PTPRD: variants seen among roughly 807,000 people sequenced by gnomAD.
The protein encoded by PTPRD is receptor-type tyrosine-protein phosphatase delta.
A neutral mutation model predicts 214.5 loss-of-function variants in PTPRD; 34 were observed. The observed-to-expected ratio is 0.16, with a 90% CI of 0.12 to 0.21. PTPRD has a LOEUF of 0.21. PTPRD is among the 10% of genes least tolerant of loss of function. The pLI is 1.00. For synonymous variants in PTPRD, 1,128 were observed against 845.7 expected (o/e 1.33, Z -5.79); for missense variants, 2,545 against 2,398.7 (o/e 1.06, Z -1.27).
chr9:9,707,353 G>A lies in PTPRD; in HGVS notation c.-287+27180C>T, dbSNP rs74483298. The stretch of plus-strand genomic sequence containing the variant: ...AATAAATCCCTTCAAGTCACTATTC[G>A]ATTTACACAAGATACAAATTATTAT... On this transcript the variant is annotated intron_variant, in intron 7 of 45. Coordinates refer to ENST00000381196, the MANE Select transcript of PTPRD (RefSeq NM_002839.4). Among the ~76,000 whole-genome samples, 813 of 152,176 alleles carry A rather than the reference G, an allele frequency of 5.3e-3. 5 individuals are homozygous for A. Among genetic ancestry groups the A allele is most frequent in the African/African-American group, 0.018 (760 of 41,528 alleles).
At position 8,439,935 on chromosome 9, in the gene PTPRD, ATTTTTTTTTTTTTTTTT is replaced by A. The variant is rs1166530719; in HGVS notation, c.3989-3263_3989-3247del. 1.1e-3 allele frequency among the ~76,000 whole-genome samples: 82 copies of A among 73,328 alleles called. 1 individual carries two copies. The highest frequency in any genetic ancestry group is 1.8e-3 in the Non-Finnish European group (73 of 40,514). 48.1% of individuals were successfully genotyped at this position (73,328 alleles called of 152,430 possible). The stretch of plus-strand genomic sequence containing the variant: ...CATTTAAATTACTTGATGTGCTTTA[ATTTTTTTTTTTTTTTTT>A]TTTTTTTTTTTTTTGCAGGCTGTAC... On this transcript the variant is annotated intron_variant, in intron 34 of 45. Coordinates refer to ENST00000381196, the MANE Select transcript of PTPRD (RefSeq NM_002839.4).
intron 8 of PTPRD, among the ~76,000 whole-genome samples, chr9:9,487,160 T>G (rs1671200726): frequency 6.6e-6 from 1 of 152,098 alleles, no homozygotes; most frequent in Non-Finnish European, 1.5e-5. Flanking sequence ...GCTGCACCCA[T>G]TAACTTGTCA....
intron 3 of PTPRD, among the ~76,000 whole-genome samples, chr9:10,294,135 C>A (rs1186818062): frequency 6.6e-6 from 1 of 151,898 alleles, no homozygotes; most frequent in Non-Finnish European, 1.5e-5. Flanking sequence ...GGCAATATCT[C>A]ATTTTTATAT....
intron 11 of PTPRD, among the ~76,000 whole-genome samples, chr9:8,747,508 G>A (rs895927921): frequency 2.6e-5 from 4 of 152,008 alleles, no homozygotes; most frequent in Non-Finnish European, 5.9e-5. Flanking sequence ...GAAATAAAAA[G>A]GAACCGCCAA....
chr9:8,603,269 TATTAG>T (rs2094979945), intron 14 of PTPRD, among the ~76,000 whole-genome samples: 1 of 152,318 alleles, frequency 6.6e-6, no homozygotes, highest in East Asian at 1.9e-4. Context: ...ACAAGGCAAT[TATTAG>T]ATTAAACTGG....
intron 4 of PTPRD, among the ~76,000 whole-genome samples, chr9:9,970,498 T>A (rs1255644671): frequency 1.3e-5 from 2 of 151,292 alleles, no homozygotes; most frequent in African/African-American, 4.9e-5. Flanking sequence ...AATTACCTCA[T>A]CTGGTTGGGT....
intron 11 of PTPRD, among the ~76,000 whole-genome samples, chr9:8,965,902 C>T (rs2099191101): frequency 6.6e-6 from 1 of 152,054 alleles, no homozygotes; most frequent in African/African-American, 2.4e-5. Flanking sequence ...AGGACTCTGA[C>T]AAAAGACTAT....
chr9:9,117,410 A>G (rs1341469321), intron 10 of PTPRD, among the ~76,000 whole-genome samples: 1 of 152,150 alleles, frequency 6.6e-6, no homozygotes, highest in East Asian at 1.9e-4. Flanking sequence ...TAAGCATAGG[A>G]AAGTGATTCA....
At chr9:9,257,851 G>A (rs564227634) in intron 9 of PTPRD, among the ~76,000 whole-genome samples, 1 of 152,000 alleles carries the variant, frequency 6.6e-6, no homozygotes, top group African/African-American at 2.4e-5. Context: ...AGGGACATTA[G>A]GGACAAGTGG....
intron 6 of PTPRD, among the ~76,000 whole-genome samples, chr9:9,735,985 G>A (rs531980192): frequency 6.6e-6 from 1 of 152,168 alleles, no homozygotes; most frequent in East Asian, 1.9e-4. Context: ...CCAGTACATA[G>A]AAGCCTGTGG....
intron 39 of PTPRD, among the ~76,000 whole-genome samples, chr9:8,350,109 C>T (rs1403395520): frequency 6.6e-6 from 1 of 151,984 alleles, no homozygotes; most frequent in African/African-American, 2.4e-5. Flanking sequence ...TTGAGTTAGT[C>T]CCACGAGTTG....
At chr9:8,707,929 T>A (rs1265922436) in intron 12 of PTPRD, among the ~76,000 whole-genome samples, 1 of 152,188 alleles carries the variant, frequency 6.6e-6, no homozygotes, top group Non-Finnish European at 1.5e-5. Flanking sequence ...CAAGTTTCCT[T>A]GTATGTGCCA....
intron 2 of PTPRD, among the ~76,000 whole-genome samples, chr9:10,424,851 G>A (rs950332346): frequency 6.6e-6 from 1 of 151,934 alleles, no homozygotes; most frequent in African/African-American, 2.4e-5. Context: ...TGAATAGCAT[G>A]CTGGTTCTAC....
At chr9:9,065,941 C>T (rs10977466) in intron 10 of PTPRD, among the ~76,000 whole-genome samples, 1 of 151,872 alleles carries the variant, frequency 6.6e-6, no homozygotes, top group Non-Finnish European at 1.5e-5. Context: ...AAAAATTATA[C>T]AAGAATATGC....
intron 5 of PTPRD, among the ~76,000 whole-genome samples, chr9:9,929,785 A>G (rs1049188215): frequency 1.3e-5 from 2 of 152,282 alleles, no homozygotes; most frequent in East Asian, 3.9e-4. Context: ...TTAAATTTAA[A>G]AAGTTACATA....
At chr9:8,966,206 C>T (rs1182314708) in intron 11 of PTPRD, among the ~76,000 whole-genome samples, 1 of 151,974 alleles carries the variant, frequency 6.6e-6, no homozygotes, top group Non-Finnish European at 1.5e-5. Flanking sequence ...AATGCTATTC[C>T]TATCAAATTT....
intron 10 of PTPRD, among the ~76,000 whole-genome samples, chr9:9,129,291 G>C (rs2099838960): frequency 6.6e-6 from 1 of 152,170 alleles, no homozygotes; most frequent in Non-Finnish European, 1.5e-5. Context: ...TTGGGAGGCT[G>C]AGGCATGAGA....
chr9:8,878,321 A>G (rs1254419746), intron 11 of PTPRD, among the ~76,000 whole-genome samples: 2 of 152,098 alleles, frequency 1.3e-5, no homozygotes, highest in African/African-American at 4.8e-5. Context: ...TACTGTACCC[A>G]TTGTGCTCTC....
chr9:10,380,791 C>T (rs2154483558), intron 2 of PTPRD, among the ~76,000 whole-genome samples: 1 of 152,060 alleles, frequency 6.6e-6, no homozygotes, highest in South Asian at 2.1e-4. Context: ...CAACAATTTC[C>T]ATTTTTTTCC....
Sources: allele counts gnomAD v4.1 joint callset (sites outside exome capture counted in the v4.1 genomes callset), GRCh38; gene constraint gnomAD v4.1.1; transcripts MANE v1.5; gene names NCBI Gene and HGNC (gene_info 2026-07-23, HGNC 2026-07-21).